Variants in C11orf65 observed in about 807,000 individuals in gnomAD.
C11orf65 encodes chromosome 11 open reading frame 65.
C11orf65 carries 38 observed loss-of-function variants against 35.3 expected under a neutral mutation model. The ratio of observed to expected loss-of-function variants is 1.08; its 90% CI spans 0.83 to 1.41. The LOEUF is 1.41. Among genes scored for constraint, C11orf65 ranks in the 40% most tolerant of loss-of-function variants. C11orf65 has a pLI of 0.00. For synonymous variants in C11orf65, 105 were observed against 114.4 expected (o/e 0.92, Z 0.53); for missense variants, 370 against 367.1 (o/e 1.01, Z -0.06).
chr11:108,355,612 A>G (rs968087663), intron 2 of C11orf65: 1 of 152,146 alleles, frequency 6.6e-6, no homozygotes, highest in African/African-American at 2.4e-5. Context: ...CTTTTCCACT[A>G]CTCAGCTTTT....
At chr11:108,391,237 T>G (rs1379620947) in intron 7 of C11orf65, among the ~76,000 whole-genome samples, 1 of 152,254 alleles carries the variant, frequency 6.6e-6, no homozygotes, top group African/African-American at 2.4e-5. Flanking sequence ...CATTCTTTAT[T>G]GTAGTTGAGT....
At chr11:108,464,298 GTTTT>G (rs1456355220) in intron 1 of C11orf65, among the ~76,000 whole-genome samples, 1 of 151,866 alleles carries the variant, frequency 6.6e-6, no homozygotes, top group Non-Finnish European at 1.5e-5. Flanking sequence ...ATATATTTCT[GTTTT>G]TTGTTTGTTT....
Position 108,365,380 on chromosome 11 carries a change from G to C in C11orf65, c.226+27828C>G, listed in dbSNP as rs1591387120. On this transcript the variant is annotated intron_variant, in intron 2 of 3. Transcript: ENST00000524755. The stretch of plus-strand genomic sequence containing the variant: ...TGAACGTGTCTTAATGAGACTACAA[G>C]AGAAACTGAAAGGAGTGGAAGAAGG... 2 of 1,614,040 alleles carry C rather than the reference G, an allele frequency of 1.2e-6. No homozygotes were observed. Among genetic ancestry groups the C allele is most frequent in the Admixed American group, 1.7e-5 (1 of 59,996 alleles).
intron 2 of C11orf65, among the ~76,000 whole-genome samples, chr11:108,362,973 ACAAC>A (rs1051907342): frequency 9.2e-5 from 14 of 152,140 alleles, no homozygotes; most frequent in African/African-American, 3.4e-4. Flanking sequence ...AAAAAAACAA[ACAAC>A]AAAACAAACA....
chr11:108,414,064 A>G (rs978269477), intron 3 of C11orf65, among the ~76,000 whole-genome samples: 4 of 152,094 alleles, frequency 2.6e-5, no homozygotes, highest in African/African-American at 9.6e-5. Context: ...AATAATAAAG[A>G]TTAGAGCAGA....
intron 2 of C11orf65, among the ~76,000 whole-genome samples, chr11:108,376,351 G>A (rs969212149): frequency 2.0e-5 from 3 of 152,132 alleles, no homozygotes; most frequent in African/African-American, 7.2e-5. Flanking sequence ...TCAACTACAT[G>A]GAAACTGAAC....
chr11:108,452,786 G>C (rs2093365373), intron 2 of C11orf65, among the ~76,000 whole-genome samples: 1 of 152,080 alleles, frequency 6.6e-6, no homozygotes, highest in South Asian at 2.1e-4. Context: ...TTAAGAAAAT[G>C]TGGCACATAC....
At chr11:108,330,418 G>A (rs1350657331), downstream of C11orf65, 1 of 1,613,988 alleles carries the variant, frequency 6.2e-7, no homozygotes, top group Non-Finnish European at 8.5e-7. Flanking sequence ...ATGGCATGAT[G>A]AAGGCAAGTG....
At chr11:108,341,176 C>G (rs2087522057) in intron 2 of C11orf65, among the ~76,000 whole-genome samples, 1 of 152,020 alleles carries the variant, frequency 6.6e-6, no homozygotes, top group South Asian at 2.1e-4. Flanking sequence ...CTTACCTGGT[C>G]TTTTGCAATT....
chr11:108,450,412 G>A (rs2093330065), intron 2 of C11orf65, among the ~76,000 whole-genome samples: 1 of 151,506 alleles, frequency 6.6e-6, no homozygotes, highest in South Asian at 2.1e-4. Context: ...AAGAAAATGT[G>A]GCACATATAC....
At chr11:108,385,204 T>C (rs1022409766) in intron 8 of C11orf65, among the ~76,000 whole-genome samples, 6 of 152,212 alleles carry the variant, frequency 3.9e-5, no homozygotes, top group African/African-American at 1.4e-4. Context: ...TCCGAGTATC[T>C]GAGATTACAG....
intron 2 of C11orf65, among the ~76,000 whole-genome samples, chr11:108,342,384 T>C (rs1358153180): frequency 6.6e-6 from 1 of 152,210 alleles, no homozygotes; most frequent in Non-Finnish European, 1.5e-5. Context: ...TAGGATAAAA[T>C]AGTATTGAAT....
At chr11:108,419,957 AC>A (rs1490446749) in intron 3 of C11orf65, among the ~76,000 whole-genome samples, 1 of 152,198 alleles carries the variant, frequency 6.6e-6, no homozygotes, top group Non-Finnish European at 1.5e-5. Flanking sequence ...AAAGGCAAAA[AC>A]AAAACTCATT....
rs1166601646 is a variant in C11orf65, at chr11:108,340,800, ACCT to A, written c.227-5511_227-5509del. Among the ~76,000 whole-genome samples, 3 of 152,280 alleles carry A rather than the reference ACCT, an allele frequency of 2.0e-5. No homozygotes were observed. In the East Asian group the frequency reaches 5.8e-4, roughly 29 times the overall value. ...GTGGTGTATGAAGCATTTGCCTATA[ACCT>A]ATGAACCTCCTCCCATGTACTGTAA... On this transcript the variant is annotated intron_variant, in intron 2 of 3. Transcript: ENST00000524755.
chr11:108,393,144 G>C (rs2092208094), intron 7 of C11orf65, 64 bp downstream of exon 7: 1 of 1,480,676 alleles, frequency 6.8e-7, no homozygotes, highest in South Asian at 1.5e-5. Context: ...CAAGGAAATA[G>C]GAAATGTTAG....
intron 1 of C11orf65, among the ~76,000 whole-genome samples, chr11:108,465,979 G>A (rs1357069651): frequency 7.4e-6 from 1 of 135,944 alleles, no homozygotes; most frequent in Non-Finnish European, 1.5e-5. Flanking sequence ...GTGAAACTCG[G>A]TCTAAAAAAA....
chr11:108,441,944 G>A (rs956274603), intron 2 of C11orf65, among the ~76,000 whole-genome samples: 1 of 152,162 alleles, frequency 6.6e-6, no homozygotes, highest in Non-Finnish European at 1.5e-5. Flanking sequence ...CTCCTTGCCA[G>A]CAACAGAACA....
At chr11:108,453,381 T>C (rs1316466404) in intron 2 of C11orf65, among the ~76,000 whole-genome samples, 1 of 151,334 alleles carries the variant, frequency 6.6e-6, no homozygotes, top group Non-Finnish European at 1.5e-5. Flanking sequence ...AGCAAGATGG[T>C]AGCCTTAAGC....
chr11:108,428,081 G>A (rs542785470), intron 3 of C11orf65, among the ~76,000 whole-genome samples: 4 of 151,624 alleles, frequency 2.6e-5, no homozygotes, highest in South Asian at 2.1e-4. Flanking sequence ...CACCCGCCTC[G>A]GCCTCCCAAA....
Sources: allele counts gnomAD v4.1 joint callset (sites outside exome capture counted in the v4.1 genomes callset), GRCh38; gene constraint gnomAD v4.1.1; transcripts MANE v1.5; gene names NCBI Gene and HGNC (gene_info 2026-07-23, HGNC 2026-07-21).